Variants in UACA observed in about 807,000 individuals in gnomAD.
The protein encoded by UACA is nuclear membrane binding protein.
UACA carries 112 observed loss-of-function variants against 160.5 expected under a neutral mutation model. The ratio of observed to expected loss-of-function variants is 0.70; its 90% CI spans 0.60 to 0.82. The LOEUF (loss-of-function observed/expected upper bound fraction) is 0.82. UACA is among the 40% of genes least tolerant of loss of function. The pLI, the probability that UACA is intolerant of heterozygous loss-of-function variation, is 0.00. For missense variants in UACA, 1,574 were observed against 1,614.6 expected (o/e 0.97, Z 0.43); for synonymous variants, 557 against 568.4 (o/e 0.98, Z 0.29).
intron 18 of UACA, among the ~76,000 whole-genome samples, chr15:70,658,984 G>T (rs1354588613): frequency 6.6e-6 from 1 of 152,118 alleles, no homozygotes; most frequent in Non-Finnish European, 1.5e-5. Context: ...AAGTGGAAAG[G>T]CTTGTTAGTT....
In UACA at chr15:70,660,148, T is replaced by C. The variant is rs757889921; in HGVS notation, c.4179+3A>G. ...TCTTTCCAAAGGAGAAGTAGTTCTT[T>C]ACCTGTGCAGCACTAAGAAGGTGTG... On this transcript the variant is annotated splice_donor_region_variant and intron_variant, in intron 18 of 18. Transcript: ENST00000322954. The C allele has an allele frequency of 5.6e-6, 9 of 1,609,532 alleles. No individual in the cohort carries two copies. The highest frequency in any genetic ancestry group is 3.3e-5 in the South Asian group (3 of 90,160).
At chr15:70,666,394 A>C (rs1896905173) in intron 16 of UACA, among the ~76,000 whole-genome samples, 1 of 152,134 alleles carries the variant, frequency 6.6e-6, no homozygotes, top group Non-Finnish European at 1.5e-5. Context: ...GCAGCCCAGA[A>C]AGAGAGCTTC....
rs201050468 is a variant in UACA at position 70,687,598 on chromosome 15, T to C, written c.544A>G (p.Ile182Val). Residue 182 changes from isoleucine to valine, a missense_variant, in exon 7 of 19, where the codon ATA becomes GTA. Transcript: ENST00000322954. ...CCTCTATCTATCAGCAGTTGACATATTGTTGGCCTACTCATCTGAGTAGCC... is the reference window on the plus strand; with the variant it reads ...CCTCTATCTATCAGCAGTTGACATACTGTTGGCCTACTCATCTGAGTAGCC... ...VLATQMSRPT[I>V]CQLLIDRGAD... is the part of the protein sequence containing the mutation. 63 of 1,613,976 alleles carry C rather than the reference T, an allele frequency of 3.9e-5. No homozygotes were observed. The East Asian group carries it at 5.3e-4, about 14-fold the overall frequency.
Position 70,699,700 on chromosome 15 carries a change from A to C in UACA, c.79-40T>G, listed in dbSNP as rs746944739. On this transcript the variant is annotated intron_variant, in intron 1 of 18. Transcript: ENST00000322954. The stretch of plus-strand genomic sequence containing the variant: ...AAAAAAAGTAAATATGGCATACTAC[A>C]TTAGTTAAGATTTTTCTAAAGAAAG... 5.0e-6 allele frequency: 8 copies of C among 1,592,756 alleles called. No homozygotes were observed. In the African/African-American group the frequency reaches 9.5e-5, roughly 19 times the overall value.
chr15:70,711,874 G>GT (rs1470181449), intron 1 of UACA, among the ~76,000 whole-genome samples: 5 of 152,040 alleles, frequency 3.3e-5, no homozygotes, highest in Non-Finnish European at 7.3e-5. Flanking sequence ...CTATTAAAAG[G>GT]TAAGCAGAAA....
chr15:70,679,600 CT>C lies in UACA; in HGVS notation c.891+7del, dbSNP rs778792048. 1 of 1,568,236 alleles carries C rather than the reference CT, an allele frequency of 6.4e-7. No homozygotes were observed. The highest frequency in any genetic ancestry group is 1.2e-5 in the South Asian group (1 of 86,648). On this transcript the variant is annotated splice_region_variant and intron_variant, in intron 10 of 18. Coordinates refer to ENST00000322954, the MANE Select transcript of UACA (RefSeq NM_018003.4). Reference sequence around the variant, plus strand: ...TAAAGGAAGACACCATTATTTTTTTCTTTTTACCTGAATATTTTGATGCTCC... The same window carrying C: ...TAAAGGAAGACACCATTATTTTTTTCTTTTACCTGAATATTTTGATGCTCC...
At chr15:70,736,783 G>A (rs539859331) in intron 1 of UACA, among the ~76,000 whole-genome samples, 12 of 152,224 alleles carry the variant, frequency 7.9e-5, no homozygotes, top group African/African-American at 2.6e-4. Context: ...AGAAATTATG[G>A]AACTTAAAGT....
At chr15:70,745,417 C>T (rs1259143205) in intron 1 of UACA, among the ~76,000 whole-genome samples, 1 of 141,564 alleles carries the variant, frequency 7.1e-6, no homozygotes, top group Non-Finnish European at 1.5e-5. Context: ...CCAGCCTGGG[C>T]AGCAAGACTC....
intron 1 of UACA, among the ~76,000 whole-genome samples, chr15:70,747,681 G>C (rs1899753419): frequency 6.6e-6 from 1 of 152,138 alleles, no homozygotes; most frequent in Admixed American, 6.5e-5. Context: ...TTGAGATAAA[G>C]TGATTAGACC....
In UACA at chr15:70,656,866, A is replaced by G; in HGVS notation, c.*190T>C. On this transcript the variant is annotated 3_prime_UTR_variant, in exon 19 of 19. Transcript: ENST00000322954. The stretch of plus-strand genomic sequence containing the variant: ...ATTTGTAAAATTAACACATACAGAA[A>G]ATAAGATTCAAACTGATATTGAAAA... The G allele has an allele frequency of 2.1e-6, 1 of 472,932 alleles. No homozygotes were observed. Among genetic ancestry groups the G allele is most frequent in the Non-Finnish European group, 3.8e-6 (1 of 266,654 alleles). 29.3% of individuals were successfully genotyped at this position (472,932 alleles called of 1,614,324 possible).
At chr15:70,756,860 G>C (rs533250087) in intron 1 of UACA, among the ~76,000 whole-genome samples, 1 of 152,284 alleles carries the variant, frequency 6.6e-6, no homozygotes, top group South Asian at 2.1e-4. Context: ...GCAACAGAGT[G>C]AGACTTCATC....
chr15:70,759,906 C>T (rs2030645755), intron 1 of UACA, among the ~76,000 whole-genome samples: 1 of 152,142 alleles, frequency 6.6e-6, no homozygotes, highest in Admixed American at 6.5e-5. Context: ...CCATAATCTG[C>T]ACATAATTCT....
intron 1 of UACA, among the ~76,000 whole-genome samples, chr15:70,760,465 T>C (rs1595929698): frequency 1.3e-5 from 2 of 152,006 alleles, no homozygotes; most frequent in Non-Finnish European, 2.9e-5. Context: ...TTCCCTGATA[T>C]AAAGTATATA....
intron 7 of UACA, among the ~76,000 whole-genome samples, 165 bp from the exon 8 acceptor site, chr15:70,684,611 A>C (rs1473411592): frequency 1.3e-5 from 2 of 151,990 alleles, no homozygotes; most frequent in African/African-American, 4.8e-5. Flanking sequence ...TAAGTAAGCA[A>C]ATCCATGTTG....
At chr15:70,666,662 G>T in intron 16 of UACA, 62 bp downstream of exon 16, 1 of 1,319,170 alleles carries the variant, frequency 7.6e-7, no homozygotes, top group Non-Finnish European at 1.0e-6. Context: ...GTGAGATTCT[G>T]TGGTAAAGAG....
intron 1 of UACA, among the ~76,000 whole-genome samples, chr15:70,714,905 A>G (rs115592946): frequency 3.9e-5 from 6 of 152,352 alleles, no homozygotes; most frequent in African/African-American, 1.4e-4. Flanking sequence ...TTGTACTGTA[A>G]TATTACTTAT....
chr15:70,677,287 T>A (rs1360757806), intron 11 of UACA, 147 bp from the exon 12 acceptor site: 1 of 564,964 alleles, frequency 1.8e-6, no homozygotes, highest in Non-Finnish European at 3.1e-6. Flanking sequence ...ACAATTCTGT[T>A]GTATGAGTTG....
Position 70,667,564 on chromosome 15 carries a change from A to T in UACA, c.3120T>A (p.Leu1040=). ...CTGTCTTATCTCTCAAATCTTTCTG[A>T]AGGGTAAAAATCTCCTTCTTTAACT... ...NDKLKKEIFT[L]QKDLRDKTVL... Residue 1040 remains leucine, a synonymous_variant, in exon 16 of 19, where the codon CTT becomes CTA. Transcript: ENST00000322954. 6.2e-7 allele frequency: 1 copy of T among 1,612,878 alleles called. No homozygotes were observed.
intron 1 of UACA, among the ~76,000 whole-genome samples, chr15:70,704,982 C>A (rs572097369): frequency 9.9e-5 from 15 of 152,122 alleles, no homozygotes; most frequent in African/African-American, 3.6e-4. Context: ...TACAGGATGG[C>A]GTTTGTCGTA....
Sources: allele counts gnomAD v4.1 joint callset (sites outside exome capture counted in the v4.1 genomes callset), GRCh38; gene constraint gnomAD v4.1.1; transcripts MANE v1.5; gene names NCBI Gene and HGNC (gene_info 2026-07-23, HGNC 2026-07-21).